PARG: variants seen among roughly 807,000 people sequenced by gnomAD.
PARG encodes mitochondrial poly(ADP-ribose) glycohydrolase.
Under a neutral mutation model 113.0 loss-of-function variants are expected in PARG, and 35 were observed. The observed-to-expected ratio is 0.31, with a 90% CI of 0.24 to 0.41. The LOEUF is 0.41. Among genes scored for constraint, PARG ranks in the 10% least tolerant of loss-of-function variants. The pLI is 1.00. For synonymous variants in PARG, 330 were observed against 409.9 expected (o/e 0.81, Z 2.36); for missense variants, 797 against 1,169.4 (o/e 0.68, Z 4.64).
intron 4 of PARG, among the ~76,000 whole-genome samples, chr10:49,923,132 C>A (rs1837975620): frequency 6.6e-6 from 1 of 152,112 alleles, no homozygotes; most frequent in African/African-American, 2.4e-5. Flanking sequence ...AATTCATTTT[C>A]ATATTTATAT....
chr10:49,831,233 A>T (rs11818555), intron 16 of PARG, among the ~76,000 whole-genome samples: 3 of 151,874 alleles, frequency 2.0e-5, no homozygotes, highest in South Asian at 2.1e-4. Flanking sequence ...GATTAAAAAA[A>T]AATAATAAAT....
At chr10:49,916,639 T>G (rs1837486926) in intron 6 of PARG, among the ~76,000 whole-genome samples, 1 of 152,120 alleles carries the variant, frequency 6.6e-6, no homozygotes, top group South Asian at 2.1e-4. Flanking sequence ...TTTTAACTGT[T>G]TGAATAGGCA....
At chr10:49,932,780 G>A (rs2132972583) in intron 3 of PARG, among the ~76,000 whole-genome samples, 1 of 151,164 alleles carries the variant, frequency 6.6e-6, no homozygotes, top group South Asian at 2.1e-4. Flanking sequence ...ATCTCATTTA[G>A]TGAGTATAAT....
chr10:49,927,423 A>G lies in PARG; in HGVS notation c.1455+4677T>C, dbSNP rs191646030. On this transcript the variant is annotated intron_variant, in intron 4 of 17. Transcript: ENST00000616448. The stretch of plus-strand genomic sequence containing the variant: ...GAAAGAAAGAAAGAAAGAAAGAAAA[A>G]TAAACCTGTGAGTCATCTATATAGG... Among the ~76,000 whole-genome samples, 255 of 151,058 alleles carry G rather than the reference A, an allele frequency of 1.7e-3. 1 individual carries two copies. Among genetic ancestry groups the G allele is most frequent in the African/African-American group, 6.0e-3 (247 of 41,292 alleles).
At chr10:49,833,507 C>T (rs1021800809) in intron 15 of PARG, among the ~76,000 whole-genome samples, 4 of 152,160 alleles carry the variant, frequency 2.6e-5, no homozygotes, top group African/African-American at 4.8e-5. Flanking sequence ...TGCCTTTTGG[C>T]TCTAAGATTC....
At chr10:49,822,915 C>CAA (rs1185570837) in intron 16 of PARG, among the ~76,000 whole-genome samples, 3 of 151,578 alleles carry the variant, frequency 2.0e-5, no homozygotes, top group Non-Finnish European at 2.9e-5. Context: ...TCATAAGAGA[C>CAA]AAAAAAAGGC....
chr10:49,934,400 C>G (rs1376415763), intron 2 of PARG, among the ~76,000 whole-genome samples: 8 of 152,046 alleles, frequency 5.3e-5, no homozygotes, highest in Non-Finnish European at 1.0e-4. Context: ...TCTGTGCAGT[C>G]TTCCTTTAGG....
At chr10:49,844,205 A>G (rs1398220006) in intron 13 of PARG, among the ~76,000 whole-genome samples, 1 of 152,160 alleles carries the variant, frequency 6.6e-6, no homozygotes, top group African/African-American at 2.4e-5. Flanking sequence ...GCATATAAGT[A>G]AACTTAGATC....
At chr10:49,878,622 T>TC (rs1847065000) in intron 9 of PARG, among the ~76,000 whole-genome samples, 1 of 127,604 alleles carries the variant, frequency 7.8e-6, no homozygotes, top group Non-Finnish European at 1.8e-5. Flanking sequence ...CGTCTTAAAA[T>TC]TAAAAAAAAA....
chr10:49,849,337 A>C (rs1845654694), intron 13 of PARG, among the ~76,000 whole-genome samples: 2 of 152,110 alleles, frequency 1.3e-5, no homozygotes, highest in Non-Finnish European at 2.9e-5. Context: ...TGAAGGACCC[A>C]TACTACCTGA....
At chr10:49,825,810 C>G (rs532948332) in intron 16 of PARG, among the ~76,000 whole-genome samples, 2 of 152,232 alleles carry the variant, frequency 1.3e-5, no homozygotes, top group South Asian at 2.1e-4. Flanking sequence ...ACTGTTAAAC[C>G]TGGCTGATCC....
intron 6 of PARG, among the ~76,000 whole-genome samples, chr10:49,917,879 T>C (rs1554848127): frequency 6.7e-6 from 1 of 150,110 alleles, no homozygotes; most frequent in Non-Finnish European, 1.5e-5. Context: ...TTTTTTCCAA[T>C]CACTGGTATC....
intron 16 of PARG, among the ~76,000 whole-genome samples, chr10:49,825,782 A>G (rs782231871): frequency 3.3e-5 from 5 of 152,160 alleles, no homozygotes; most frequent in African/African-American, 4.8e-5. Context: ...TGTGCAAACC[A>G]TAAGAGAAAA....
intron 15 of PARG, among the ~76,000 whole-genome samples, chr10:49,840,404 C>A (rs199929451): frequency 3.7e-4 from 54 of 147,306 alleles, no homozygotes; most frequent in Middle Eastern, 6.8e-3. Context: ...AAAAAAAAAA[C>A]AAAAAACACA....
intron 10 of PARG, 38 bp downstream of exon 10, chr10:49,869,438 C>T (rs1846684177): frequency 2.8e-6 from 2 of 712,320 alleles, no homozygotes; most frequent in South Asian, 1.5e-5. Flanking sequence ...CTGTTCCCAT[C>T]AGCAAGAAAA....
intron 7 of PARG, among the ~76,000 whole-genome samples, chr10:49,911,284 A>G (rs1837168258): frequency 1.4e-5 from 2 of 147,112 alleles, no homozygotes; most frequent in South Asian, 4.2e-4. Context: ...CTGTGTCTCA[A>G]AAAAAAAAAA....
At chr10:49,870,432 C>T (rs1474488263) in intron 9 of PARG, among the ~76,000 whole-genome samples, 2 of 151,802 alleles carry the variant, frequency 1.3e-5, no homozygotes, top group African/African-American at 4.8e-5. Flanking sequence ...ATTATGGCAG[C>T]CCAAGCTGAC....
intron 6 of PARG, 79 bp downstream of exon 6, chr10:49,922,257 G>C (rs1347450284): frequency 1.0e-5 from 15 of 1,437,146 alleles, no homozygotes; most frequent in Non-Finnish European, 1.4e-5. Context: ...GTTGCTACCT[G>C]AGTCTATTAA....
At chr10:49,914,484 T>C (rs1837357771) in intron 7 of PARG, among the ~76,000 whole-genome samples, 1 of 152,242 alleles carries the variant, frequency 6.6e-6, no homozygotes, top group African/African-American at 2.4e-5. Flanking sequence ...CTCAATAAGA[T>C]AATTCTGAAA....
Sources: gnomAD v4.1 joint callset for allele counts (sites outside exome capture counted in the v4.1 genomes callset) on GRCh38, gnomAD v4.1.1 for gene constraint, MANE v1.5 for transcripts, NCBI Gene and HGNC (gene_info 2026-07-23, HGNC 2026-07-21) for gene names.